DOCK3: variants seen among roughly 807,000 people sequenced by gnomAD.
DOCK3 encodes the protein dedicator of cytokinesis 3.
A neutral mutation model predicts 265.6 loss-of-function variants in DOCK3; 60 were observed. The observed-to-expected ratio is 0.23, with a 90% CI of 0.18 to 0.28. DOCK3 has a LOEUF of 0.28. Among genes scored for constraint, DOCK3 ranks in the 10% least tolerant of loss-of-function variants. DOCK3 has a pLI of 1.00. For missense variants in DOCK3, 1,981 were observed against 2,594.3 expected, an observed-to-expected ratio of 0.76 and a Z score of 5.14; for synonymous variants, 881 against 938.0, an observed-to-expected ratio of 0.94 and a Z score of 1.11.
At chr3:50,899,728 A>C (rs2049080018) in intron 4 of DOCK3, among the ~76,000 whole-genome samples, 2 of 152,054 alleles carry the variant, frequency 1.3e-5, no homozygotes, top group Admixed American at 1.3e-4. Flanking sequence ...TTTCTCTTTC[A>C]CTTGTGAAGC....
intron 4 of DOCK3, among the ~76,000 whole-genome samples, chr3:50,917,207 G>A (rs67794896): frequency 0.095 from 14,373 of 152,038 alleles, 852 homozygotes; most frequent in Non-Finnish European, 0.12. Context: ...TGAATTGAAT[G>A]ACCTTCACAT....
chr3:50,758,920 A>T (rs2675769), intron 1 of DOCK3, among the ~76,000 whole-genome samples: 14,369 of 152,222 alleles, frequency 0.094, 838 homozygotes, highest in Non-Finnish European at 0.12. Context: ...TTCAAGGTTT[A>T]TCCATGTTGT....
intron 15 of DOCK3, among the ~76,000 whole-genome samples, chr3:51,226,903 A>AT (rs940499501): frequency 2.0e-5 from 3 of 151,922 alleles, no homozygotes; most frequent in African/African-American, 7.3e-5. Flanking sequence ...TTGTAATTTA[A>AT]TTTTTTTTCT....
intron 25 of DOCK3, 117 bp from the exon 26 acceptor site, chr3:51,277,491 A>C: frequency 1.5e-6 from 2 of 1,321,348 alleles, no homozygotes; most frequent in Non-Finnish European, 2.0e-6. Context: ...TGAGACTGAG[A>C]GCTTGGTGTT....
chr3:51,186,974 G>C (rs985110164), intron 12 of DOCK3, among the ~76,000 whole-genome samples: 3 of 152,196 alleles, frequency 2.0e-5, no homozygotes, highest in African/African-American at 7.2e-5. Flanking sequence ...TAGGTTCAGA[G>C]CCCCCACACA....
At chr3:50,734,098 T>C (rs991769040) in intron 1 of DOCK3, among the ~76,000 whole-genome samples, 3 of 152,206 alleles carry the variant, frequency 2.0e-5, no homozygotes, top group Admixed American at 6.5e-5. Context: ...ATAATACATA[T>C]GTTAATTAGC....
intron 39 of DOCK3, among the ~76,000 whole-genome samples, chr3:51,349,583 C>G (rs1336662316): frequency 6.6e-6 from 1 of 152,178 alleles, no homozygotes; most frequent in Non-Finnish European, 1.5e-5. Context: ...TTAACCAGTT[C>G]TGGCAGGCTG....
chr3:50,894,500 A>G (rs1050342742), intron 4 of DOCK3, among the ~76,000 whole-genome samples: 1 of 152,134 alleles, frequency 6.6e-6, no homozygotes, highest in African/African-American at 2.4e-5. Flanking sequence ...AAATGATGCT[A>G]TACAGCAACA....
chr3:51,001,844 G>A (rs1339343294), intron 5 of DOCK3, among the ~76,000 whole-genome samples: 9 of 152,008 alleles, frequency 5.9e-5, no homozygotes, highest in Non-Finnish European at 1.5e-5. Flanking sequence ...ATTCTGATAG[G>A]TGTGTCTCTC....
chr3:51,379,417 C>T (rs1385532252), intron 51 of DOCK3: 2 of 985,330 alleles, frequency 2.0e-6, no homozygotes, highest in Non-Finnish European at 2.4e-6. Flanking sequence ...AAGAAGTAAC[C>T]TCCCTTCATG....
chr3:50,948,796 A>G (rs922473660), intron 5 of DOCK3, among the ~76,000 whole-genome samples: 2 of 152,052 alleles, frequency 1.3e-5, no homozygotes, highest in Non-Finnish European at 2.9e-5. Context: ...TTGACTCTAA[A>G]ATGTGTATGG....
chr3:51,272,886 C>T (rs560783575), intron 24 of DOCK3, among the ~76,000 whole-genome samples: 14 of 151,996 alleles, frequency 9.2e-5, no homozygotes, highest in Middle Eastern at 3.4e-3. Flanking sequence ...TGCTTTTGGC[C>T]GGGCACGGTG....
chr3:51,345,761 A>T (rs1309623346), intron 38 of DOCK3, among the ~76,000 whole-genome samples: 1 of 152,240 alleles, frequency 6.6e-6, no homozygotes, highest in African/African-American at 2.4e-5. Context: ...AGGATAGAAA[A>T]ATGTACTCTT....
intron 9 of DOCK3, among the ~76,000 whole-genome samples, chr3:51,109,165 C>T (rs1017755491): frequency 6.6e-6 from 1 of 152,154 alleles, no homozygotes; most frequent in Non-Finnish European, 1.5e-5. Context: ...AGCAAAGTCA[C>T]ATCAACCACT....
Position 51,229,695 on chromosome 3 carries a change from C to T in DOCK3, c.1917+86C>T, listed in dbSNP as rs553965989. Reference sequence around the variant, plus strand: ...CTTTGTCATGATTTTTGCCAATAACCGTCTGAGACTGTTTCATCAGATTTT... The same window carrying T: ...CTTTGTCATGATTTTTGCCAATAACTGTCTGAGACTGTTTCATCAGATTTT... On this transcript the variant is annotated intron_variant, in intron 19 of 52. Transcript: ENST00000266037. 96 of 965,426 alleles carry T rather than the reference C, an allele frequency of 9.9e-5. 3 individuals carry two copies. In the South Asian group the frequency reaches 2.2e-3, roughly 22 times the overall value. The allele number at this position is 965,426 out of a possible 1,614,324, so 59.8% of individuals were successfully genotyped here.
chr3:51,350,946 C>T (rs1441249009), intron 40 of DOCK3, among the ~76,000 whole-genome samples: 1 of 152,180 alleles, frequency 6.6e-6, no homozygotes, highest in Non-Finnish European at 1.5e-5. Flanking sequence ...CTGTAGAAAG[C>T]CTCTTCTAGG....
chr3:50,891,981 A>G (rs2048665050), intron 4 of DOCK3, among the ~76,000 whole-genome samples: 1 of 152,108 alleles, frequency 6.6e-6, no homozygotes, highest in African/African-American at 2.4e-5. Context: ...CAGAGCAGCC[A>G]TATTTGCTGG....
intron 9 of DOCK3, among the ~76,000 whole-genome samples, chr3:51,144,505 A>T (rs1315277784): frequency 6.6e-6 from 1 of 152,118 alleles, no homozygotes; most frequent in Non-Finnish European, 1.5e-5. Context: ...TGCCCCATGC[A>T]TCTACTTTGA....
chr3:51,379,556 C>G, intron 51 of DOCK3: 1 of 985,472 alleles, frequency 1.0e-6, no homozygotes, highest in Non-Finnish European at 1.2e-6. Context: ...AGTGCCTCCC[C>G]GAAGCCTGCT....
Sources: gnomAD v4.1 joint callset for allele counts (sites outside exome capture counted in the v4.1 genomes callset) on GRCh38, gnomAD v4.1.1 for gene constraint, MANE v1.5 for transcripts, NCBI Gene and HGNC (gene_info 2026-07-23, HGNC 2026-07-21) for gene names.